Variants in LTN1 observed in about 807,000 individuals in gnomAD.
LTN1 encodes the protein listerin E3 ubiquitin protein ligase 1.
A neutral mutation model predicts 201.2 loss-of-function variants in LTN1; 88 were observed. That is an observed-to-expected ratio of 0.44 (90% CI 0.37 to 0.52). LTN1 has a LOEUF of 0.52. Ranked by LOEUF, LTN1 falls within the 20% of genes least tolerant of loss-of-function variation. The probability of loss-of-function intolerance (pLI) is 0.00; values close to 1 mark genes in which losing one functional copy is unlikely to be tolerated. For missense variants in LTN1, 1,752 were observed against 2,038.7 expected (o/e 0.86, Z 2.71); for synonymous variants, 645 against 713.5 (o/e 0.90, Z 1.53).
intron 11 of LTN1, among the ~76,000 whole-genome samples, chr21:28,962,975 C>T (rs2084491668): frequency 6.6e-6 from 1 of 152,192 alleles, no homozygotes; most frequent in African/African-American, 2.4e-5. Context: ...GGCCCTAATT[C>T]TCTTTAATTC....
rs1447909243 is a variant in LTN1, at chr21:28,982,321, G to A, written c.624C>T (p.Asp208=). The A allele has an allele frequency of 1.2e-6, 2 of 1,612,444 alleles. No homozygotes were observed. The highest frequency in any genetic ancestry group is 1.7e-6 in the Non-Finnish European group (2 of 1,178,504). ...LIKETPDTLS[D]PQTVPEEERE... is the part of the protein sequence containing the mutation. ...AATGAAACAATACAACTTACTGCGG[G>A]TCACTGAGTGTATCAGGTGTTTCTT... The change falls in exon 5 of 30, where the codon GAC becomes GAT. Residue 208 remains aspartate (D), a synonymous_variant. Transcript: ENST00000361371.
intron 6 of LTN1, among the ~76,000 whole-genome samples, chr21:28,975,698 T>G (rs1406835227): frequency 6.6e-6 from 1 of 152,130 alleles, no homozygotes; most frequent in Admixed American, 6.5e-5. Context: ...CCCAGGAGAA[T>G]GACCTAAATT....
chr21:28,982,488 G>C lies in LTN1; in HGVS notation c.577-120C>G, dbSNP rs533438805. 4.8e-4 allele frequency: 347 copies of C among 720,112 alleles called. 4 individuals are homozygous for C. Among genetic ancestry groups the C allele is most frequent in the Middle Eastern group, 3.5e-3 (14 of 3,994 alleles). The allele number at this position is 720,112 out of a possible 1,614,324, so 44.6% of individuals were successfully genotyped here. On this transcript the variant is annotated intron_variant, in intron 4 of 29. Coordinates refer to ENST00000361371, the MANE Select transcript of LTN1 (RefSeq NM_015565.3). The stretch of plus-strand genomic sequence containing the variant: ...TCCCCATAAACATCATCTTACCTAA[G>C]AGCAGAATCAAATAGCAAAACTGAA...
At chr21:28,977,266 C>T (rs1409997734) in intron 6 of LTN1, among the ~76,000 whole-genome samples, 2 of 151,034 alleles carry the variant, frequency 1.3e-5, no homozygotes, top group South Asian at 2.1e-4. Flanking sequence ...CCCAGCTACT[C>T]GAGAGGCTGA....
At chr21:28,943,957 C>T in intron 22 of LTN1, 53 bp from the exon 23 acceptor site, 11 of 974,502 alleles carry the variant, frequency 1.1e-5, no homozygotes, top group Non-Finnish European at 1.8e-5. Flanking sequence ...GTTAGTATAG[C>T]TTAAATGATT....
rs1261872474 is a variant in LTN1, at chr21:28,944,595, G to T, written c.3770C>A (p.Thr1257Lys). Residue 1257 changes from threonine (T) to lysine (K), a missense_variant and splice_region_variant, in exon 22 of 30, where the codon ACA becomes AAA. Around this residue, in one of 3 missense-constraint regions of LTN1, gnomAD observed 1,211 missense variants for 1,312.8 expected, o/e 0.92. Coordinates refer to ENST00000361371, the MANE Select transcript of LTN1 (RefSeq NM_015565.3). ...ATACAATGCCTGATTCTCACTTGTT[G>T]TCTGAAAAAACAATAAAAATGAAAT... ...IMCSMLAWLE[T>K]TSENQALYSI... The T allele has an allele frequency of 1.2e-6, 2 of 1,608,702 alleles. No individual in the cohort carries two copies. Among genetic ancestry groups the T allele is most frequent in the Non-Finnish European group, 1.7e-6 (2 of 1,176,304 alleles).
chr21:28,988,921 C>A (rs1181618321), intron 1 of LTN1, among the ~76,000 whole-genome samples: 1 of 150,918 alleles, frequency 6.6e-6, no homozygotes, highest in Non-Finnish European at 1.5e-5. Context: ...GTCGAGATTG[C>A]GCCATTGCAC....
chr21:28,941,167 T>C lies in LTN1; in HGVS notation c.4482+53A>G, dbSNP rs1004870816. On this transcript the variant is annotated intron_variant, in intron 25 of 29. Coordinates refer to ENST00000361371, the MANE Select transcript of LTN1 (RefSeq NM_015565.3). ...ACTGAAAGGAAGGTATTTAGAACAG[T>C]ATCAGAAGCATATTAGGACAGAACT... The C allele has an allele frequency of 9.0e-6, 11 of 1,228,634 alleles. No homozygotes were observed. In the Middle Eastern group the frequency reaches 6.6e-4, roughly 74 times the overall value. 76.1% of individuals were successfully genotyped at this position (1,228,634 alleles called of 1,614,324 possible). A position where few individuals can be genotyped will look rare whatever the true frequency, so the allele number is the denominator to read the frequency against.
chr21:28,951,450 T>G (rs1017115052), intron 18 of LTN1, among the ~76,000 whole-genome samples: 2 of 152,158 alleles, frequency 1.3e-5, no homozygotes, highest in African/African-American at 4.8e-5. Context: ...TAGAATATAT[T>G]TCAATAGGAT....
chr21:28,986,142 T>A lies in LTN1; in HGVS notation c.342A>T (p.Ser114=). 11 of 1,587,096 alleles carry A rather than the reference T, an allele frequency of 6.9e-6. No homozygotes were observed. Among genetic ancestry groups the A allele is most frequent in the Non-Finnish European group, 9.5e-6 (11 of 1,155,626 alleles). Residue 114 remains serine (S), a synonymous_variant, in exon 3 of 30, where the codon TCA becomes TCT. Transcript: ENST00000361371. This position sits in a 1 kb window ranked among gnomAD's most constrained non-coding sequence, Gnocchi z 4.1. ...CTAGCAAAGTTTTAATACTTACAAG[T>A]GAAATTTTGCAAAAAATTCTTGGCC... The part of the protein sequence containing the change: ...PYWPRIFCKI[S]LDHDRRVREA...
chr21:28,966,642 G>A lies in LTN1; in HGVS notation c.1849C>T (p.Leu617Phe). 1 of 1,614,074 alleles carries A rather than the reference G, an allele frequency of 6.2e-7. No homozygotes were observed. Among genetic ancestry groups the A allele is most frequent in the Non-Finnish European group, 8.5e-7 (1 of 1,179,998 alleles). The change falls in exon 10 of 30, where the codon CTT becomes TTT. Residue 617 changes from leucine to phenylalanine, a missense_variant. By Grantham distance (22) the Leu-to-Phe change is conservative (BLOSUM62 0). Transcript: ENST00000361371. ...GAAAAGGAGTCAAGCAGAGTAGAAA[G>A]AAACCTTAGATGTTGCTCTGACTTT... ...ERKSEQHLRF[L>F]STLLDSFSSS...
chr21:28,986,017 A>G lies in LTN1; in HGVS notation c.345+122T>C, dbSNP rs1034632114. Reference sequence around the variant, plus strand: ...CAAGTGTTAACAATTCAATCTGCATAACAATGCTGACATAACATTTAATAA... The same window carrying G: ...CAAGTGTTAACAATTCAATCTGCATGACAATGCTGACATAACATTTAATAA... On this transcript the variant is annotated intron_variant, in intron 3 of 29. Coordinates refer to ENST00000361371, the MANE Select transcript of LTN1 (RefSeq NM_015565.3). This position sits in a 1 kb window ranked among gnomAD's most constrained non-coding sequence, Gnocchi z 4.1. The G allele has an allele frequency of 3.9e-5, 25 of 633,892 alleles. No homozygotes were observed. Among genetic ancestry groups the G allele is most frequent in the Non-Finnish European group, 6.5e-5 (23 of 352,756 alleles). The allele number at this position is 633,892 out of a possible 1,614,324, so 39.3% of individuals were successfully genotyped here.
Position 28,953,264 on chromosome 21 carries a change from T to A in LTN1, c.3192A>T (p.Leu1064Phe). ...GGCCCGACGTATTACCAAGTACACG[T>A]AAGTTATCATACGTAATATTCATTT... is the stretch of plus-strand genomic sequence containing the variant. ...LQKMNITYDNLRVLGNTSGLL... is the reference protein window; with the variant it reads ...LQKMNITYDNFRVLGNTSGLL... The change falls in exon 17 of 30, where the codon TTA becomes TTT. Residue 1064 changes from leucine to phenylalanine, a missense_variant. Leu to Phe is a conservative substitution (Grantham distance 22). Transcript: ENST00000361371. 1 of 1,600,834 alleles carries A rather than the reference T, an allele frequency of 6.2e-7. No individual in the cohort carries two copies. The highest frequency in any genetic ancestry group is 1.8e-5 in the Admixed American group (1 of 55,566).
Position 28,992,847 on chromosome 21 carries a change from T to G in LTN1, c.-42A>C. On this transcript the variant is annotated 5_prime_UTR_variant, in exon 1 of 30. Coordinates refer to ENST00000361371, the MANE Select transcript of LTN1 (RefSeq NM_015565.3). ...GTACTCTGAGCACTCAGACCCCGGT[T>G]GACACGTCCGGGACACAACTTCCGG... 6.2e-7 allele frequency: 1 copy of G among 1,614,126 alleles called. No individual in the cohort carries two copies. The highest frequency in any genetic ancestry group is 8.5e-7 in the Non-Finnish European group (1 of 1,180,008).
At chr21:28,958,004 T>C (rs1279458254) in intron 14 of LTN1, among the ~76,000 whole-genome samples, 1 of 152,210 alleles carries the variant, frequency 6.6e-6, no homozygotes. Context: ...TTACTGTCTA[T>C]AAGTTATGAG....
intron 4 of LTN1, among the ~76,000 whole-genome samples, chr21:28,982,691 C>T (rs896605580): frequency 4.6e-5 from 7 of 152,180 alleles, no homozygotes; most frequent in African/African-American, 1.7e-4. Context: ...TTCCTCTCCC[C>T]TCTTTCTGTA....
intron 25 of LTN1, among the ~76,000 whole-genome samples, chr21:28,939,857 T>C (rs1343263289): frequency 1.3e-5 from 2 of 152,176 alleles, no homozygotes; most frequent in African/African-American, 4.8e-5. Context: ...CAAATAAAAC[T>C]AGCTTAAGTC....
chr21:28,950,268 T>C (rs1333378934), intron 18 of LTN1, among the ~76,000 whole-genome samples: 2 of 152,176 alleles, frequency 1.3e-5, no homozygotes, highest in Non-Finnish European at 1.5e-5. Flanking sequence ...TAAGTATTTA[T>C]AGTTTTTGTT....
At chr21:28,954,703 A>G (rs978491775) in intron 16 of LTN1, among the ~76,000 whole-genome samples, 5 of 152,228 alleles carry the variant, frequency 3.3e-5, no homozygotes, top group African/African-American at 1.2e-4. Context: ...CATCCTCTTC[A>G]AGAAATTGTG....
Sources: gnomAD v4.1 joint callset for allele counts (sites outside exome capture counted in the v4.1 genomes callset) on GRCh38, gnomAD v4.1.1 for gene constraint, gnomAD v4.1.1 regional missense constraint, Gnocchi (gnomAD v3.1) non-coding constraint, MANE v1.5 for transcripts, NCBI Gene and HGNC (gene_info 2026-07-23, HGNC 2026-07-21) for gene names.